CARMIL1: variants seen among roughly 807,000 people sequenced by gnomAD.
CARMIL1 encodes capping protein regulator and myosin 1 linker 1.
Under a neutral mutation model 177.1 loss-of-function variants are expected in CARMIL1, and 90 were observed. That is an observed-to-expected ratio of 0.51 (90% confidence interval 0.43 to 0.61). CARMIL1 has a LOEUF of 0.61. Ranked by LOEUF, CARMIL1 falls within the 20% of genes least tolerant of loss-of-function variation. CARMIL1 has a pLI of 0.00. For missense variants in CARMIL1, 1,380 were observed against 1,667.0 expected (o/e 0.83, Z 3.00); for synonymous variants, 577 against 606.2 (o/e 0.95, Z 0.71).
intron 15 of CARMIL1, among the ~76,000 whole-genome samples, chr6:25,492,643 G>C (rs892503024): frequency 6.6e-6 from 1 of 152,022 alleles, no homozygotes; most frequent in African/African-American, 2.4e-5. Flanking sequence ...TCAACACTTA[G>C]CATTTATAAT....
chr6:25,594,770 A>G (rs1289926336), intron 32 of CARMIL1, among the ~76,000 whole-genome samples: 4 of 152,126 alleles, frequency 2.6e-5, no homozygotes, highest in Admixed American at 6.5e-5. Flanking sequence ...GGGCCCAGCA[A>G]TCTGTATTTT....
intron 29 of CARMIL1, among the ~76,000 whole-genome samples, chr6:25,570,114 G>A (rs568312714): frequency 6.6e-6 from 1 of 152,166 alleles, no homozygotes; most frequent in African/African-American, 2.4e-5. Context: ...ACAGGCGCCC[G>A]CCACCAAGCC....
chr6:25,599,795 G>A (rs1815214588), intron 32 of CARMIL1, among the ~76,000 whole-genome samples: 1 of 152,168 alleles, frequency 6.6e-6, no homozygotes, highest in Non-Finnish European at 1.5e-5. Flanking sequence ...GTGGTGTGGG[G>A]TGCAGGTCTG....
At chr6:25,510,477 T>C in intron 18 of CARMIL1, 30 bp from the exon 19 acceptor site, 1 of 1,280,218 alleles carries the variant, frequency 7.8e-7, no homozygotes, top group Non-Finnish European at 1.1e-6. Context: ...ACATGTGTTT[T>C]GATGTTCTAC....
chr6:25,505,311 A>G (rs542518876), intron 17 of CARMIL1, among the ~76,000 whole-genome samples: 34 of 152,330 alleles, frequency 2.2e-4, no homozygotes, highest in Admixed American at 2.1e-3. Flanking sequence ...ACAGATGTTC[A>G]GAGAAATGTG....
At chr6:25,323,239 A>T (rs1784817452) in intron 2 of CARMIL1, among the ~76,000 whole-genome samples, 1 of 151,844 alleles carries the variant, frequency 6.6e-6, no homozygotes, top group African/African-American at 2.4e-5. Context: ...CTGGAAAAGT[A>T]TTGGTAGAAA....
In CARMIL1 at chr6:25,472,432, T is replaced by C; in HGVS notation, c.785T>C (p.Phe262Ser). 6.4e-7 allele frequency: 1 copy of C among 1,570,084 alleles called. No homozygotes were observed. Among genetic ancestry groups the C allele is most frequent in the Non-Finnish European group, 8.6e-7 (1 of 1,156,192 alleles). The change falls in exon 11 of 37, where the codon TTT becomes TCT. Residue 262 changes from phenylalanine to serine, a missense_variant. Coordinates refer to ENST00000329474, the MANE Select transcript of CARMIL1 (RefSeq NM_017640.6). ...VLENAGLRTD[F>S]AQKLASALAH... ...ATTGTTTTGTTTACACGCAGAGATT[T>C]TGCACAAAAACTGGCCAGTGCTCTA...
chr6:25,399,049 C>T (rs988180587), intron 2 of CARMIL1, among the ~76,000 whole-genome samples: 1 of 152,110 alleles, frequency 6.6e-6, no homozygotes, highest in African/African-American at 2.4e-5. Context: ...CAAAAACACC[C>T]CCCTTTTCTT....
In CARMIL1 at chr6:25,483,813, G is replaced by A. The variant is rs996715336; in HGVS notation, c.961+1470G>A. On this transcript the variant is annotated intron_variant, in intron 12 of 36. Coordinates refer to ENST00000329474, the MANE Select transcript of CARMIL1 (RefSeq NM_017640.6). ...GACAGGGTCTTGCTCTGTCACCTAG[G>A]CTGGAGTGCAGTGGTACGATCTTGG... Among the ~76,000 whole-genome samples the A allele has an allele frequency of 4.6e-5, 7 of 151,842 alleles. No homozygotes were observed. The East Asian group carries it at 1.2e-3, about 25-fold the overall frequency.
rs925932607 is a variant in CARMIL1, at chr6:25,600,392, A to C, written c.3198A>C (p.Lys1066Asn). The C allele has an allele frequency of 9.3e-6, 15 of 1,614,014 alleles. No homozygotes were observed. The highest frequency in any genetic ancestry group is 1.2e-5 in the Non-Finnish European group (14 of 1,179,894). ...GDEKKKRDSR[K>N]SSGFLNLIKS... ...AAAAGAAAAAGCGAGATTCTCGGAAAAGTAGTGGCTTTCTCAATTTAATCA... is the reference window on the plus strand; with the variant it reads ...AAAAGAAAAAGCGAGATTCTCGGAACAGTAGTGGCTTTCTCAATTTAATCA... Residue 1066 changes from lysine (K) to asparagine (N), a missense_variant, in exon 33 of 37, where the codon AAA becomes AAC. By Grantham distance (94) the Lys-to-Asn change is moderately conservative. Transcript: ENST00000329474.
intron 34 of CARMIL1, among the ~76,000 whole-genome samples, chr6:25,605,444 C>G (rs1173752997): frequency 2.0e-5 from 3 of 152,142 alleles, no homozygotes; most frequent in African/African-American, 2.4e-5. Context: ...ATTTGAGAGT[C>G]TTATGCATAG....
intron 24 of CARMIL1, among the ~76,000 whole-genome samples, chr6:25,536,428 A>G (rs1229673853): frequency 6.6e-6 from 1 of 152,158 alleles, no homozygotes; most frequent in African/African-American, 2.4e-5. Context: ...TGTGAGAAGC[A>G]ATATTCATAC....
At position 25,374,917 on chromosome 6, in the gene CARMIL1, G is replaced by A. The variant is rs1370008173; in HGVS notation, c.139-45197G>A. The stretch of plus-strand genomic sequence containing the variant: ...CTGGAGTCTATAAGAATCCTTTCAT[G>A]TTAGGTGATTCTCTTGAAGACAGCA... On this transcript the variant is annotated intron_variant, in intron 2 of 36. Transcript: ENST00000329474. Among the ~76,000 whole-genome samples, 4 of 152,214 alleles carry A rather than the reference G, an allele frequency of 2.6e-5. No individual in the cohort carries two copies. The East Asian group carries it at 7.7e-4, about 29-fold the overall frequency.
intron 8 of CARMIL1, among the ~76,000 whole-genome samples, chr6:25,459,738 TCTC>T (rs1197279514): frequency 2.0e-5 from 3 of 152,204 alleles, no homozygotes; most frequent in Admixed American, 6.5e-5. Flanking sequence ...ACTGGATCCT[TCTC>T]CTCAAGGTTT....
At chr6:25,313,000 C>T (rs756972568) in intron 2 of CARMIL1, among the ~76,000 whole-genome samples, 1 of 151,126 alleles carries the variant, frequency 6.6e-6, no homozygotes, top group African/African-American at 2.4e-5. Flanking sequence ...AAGCTTTTAT[C>T]AAGGTTTACA....
chr6:25,405,003 A>G (rs1257743312), intron 2 of CARMIL1, among the ~76,000 whole-genome samples: 1 of 151,466 alleles, frequency 6.6e-6, no homozygotes, highest in Non-Finnish European at 1.5e-5. Flanking sequence ...GTGTAGCAGC[A>G]GCAGTGTTTA....
intron 24 of CARMIL1, among the ~76,000 whole-genome samples, chr6:25,533,653 G>A (rs1288650793): frequency 6.6e-6 from 1 of 151,844 alleles, no homozygotes; most frequent in Non-Finnish European, 1.5e-5. Context: ...TGCCACTCTT[G>A]TGTCTTACCT....
Position 25,279,895 on chromosome 6 carries a change from C to G in CARMIL1, c.40+60C>G, listed in dbSNP as rs2206196. ...CTCTGCGTACTCCTCACCTCTCTCT[C>G]CCTTCCCACCTCTGCTTTCCCGCAG... On this transcript the variant is annotated intron_variant, in intron 1 of 36. Transcript: ENST00000329474. The G allele has an allele frequency of 8.3e-3, 12,851 of 1,555,496 alleles. 513 individuals carry two copies. In the African/African-American group the frequency reaches 0.12, roughly 14 times the overall value.
At chr6:25,614,278 G>C (rs1192238809) in intron 36 of CARMIL1, among the ~76,000 whole-genome samples, 3 of 152,202 alleles carry the variant, frequency 2.0e-5, no homozygotes, top group Non-Finnish European at 4.4e-5. Flanking sequence ...ACCTCTCAGA[G>C]CATAAAGCAA....
Sources: gnomAD v4.1 joint callset for allele counts (sites outside exome capture counted in the v4.1 genomes callset) on GRCh38, gnomAD v4.1.1 for gene constraint, MANE v1.5 for transcripts, NCBI Gene and HGNC (gene_info 2026-07-23, HGNC 2026-07-21) for gene names.